Variants in PTPRD observed in about 807,000 individuals in gnomAD.
PTPRD encodes the protein protein tyrosine phosphatase receptor type D, also known as receptor-type tyrosine-protein phosphatase delta.
PTPRD carries 34 observed loss-of-function variants against 214.5 expected under a neutral mutation model. The observed-to-expected ratio is 0.16, with a 90% CI of 0.12 to 0.21. PTPRD has a LOEUF of 0.21. Ranked by LOEUF, PTPRD falls within the 10% of genes least tolerant of loss-of-function variation. PTPRD has a pLI of 1.00. For synonymous variants in PTPRD, 1,128 were observed against 845.7 expected, an observed-to-expected ratio of 1.33 and a Z score of -5.79; for missense variants, 2,545 against 2,398.7, an observed-to-expected ratio of 1.06 and a Z score of -1.27.
At chr9:8,388,982 C>CTTTTTTT (rs34248103) in intron 37 of PTPRD, among the ~76,000 whole-genome samples, 4 of 130,042 alleles carry the variant, frequency 3.1e-5, no homozygotes, top group Non-Finnish European at 3.3e-5. Flanking sequence ...GTGAATATTC[C>CTTTTTTT]TTTTTTTTTT....
chr9:8,373,846 ATG>A (rs34975102), intron 39 of PTPRD, among the ~76,000 whole-genome samples: 34 of 113,346 alleles, frequency 3.0e-4, no homozygotes, highest in African/African-American at 3.9e-4. Flanking sequence ...GTATGTATGT[ATG>A]TGTATGTGTC....
chr9:10,179,653 ATG>A (rs2099270357), intron 3 of PTPRD, among the ~76,000 whole-genome samples: 1 of 152,076 alleles, frequency 6.6e-6, no homozygotes, highest in South Asian at 2.1e-4. Flanking sequence ...AATTTTCAAG[ATG>A]TGTTACCTAT....
intron 9 of PTPRD, among the ~76,000 whole-genome samples, chr9:9,261,992 A>C (rs2099980330): frequency 6.6e-6 from 1 of 151,790 alleles, no homozygotes; most frequent in South Asian, 2.1e-4. Flanking sequence ...GGATAACTTT[A>C]AACAGTATAG....
chr9:9,218,005 A>T (rs1296819409), intron 9 of PTPRD, among the ~76,000 whole-genome samples: 1 of 152,000 alleles, frequency 6.6e-6, no homozygotes, highest in African/African-American at 2.4e-5. Flanking sequence ...GTTCATGTTC[A>T]CTCTGTTTGT....
chr9:10,079,719 T>G (rs1208559454), intron 3 of PTPRD, among the ~76,000 whole-genome samples: 1 of 152,180 alleles, frequency 6.6e-6, no homozygotes, highest in Non-Finnish European at 1.5e-5. Context: ...CTAGTCATTC[T>G]GCGAGTTGGC....
intron 11 of PTPRD, among the ~76,000 whole-genome samples, chr9:8,768,936 T>A (rs1299220176): frequency 6.6e-6 from 1 of 152,208 alleles, no homozygotes; most frequent in Non-Finnish European, 1.5e-5. Flanking sequence ...GTTCTTACCA[T>A]GTTATAGCAC....
intron 10 of PTPRD, among the ~76,000 whole-genome samples, chr9:9,132,417 G>A (rs991121244): frequency 1.3e-5 from 2 of 152,122 alleles, no homozygotes; most frequent in East Asian, 3.8e-4. Flanking sequence ...AAGTACATCA[G>A]TACCAATAAT....
In PTPRD at chr9:8,940,713, C is replaced by A. The variant is rs2099028296; in HGVS notation, c.-104+77984G>T. 1.3e-5 allele frequency among the ~76,000 whole-genome samples: 2 copies of A among 152,060 alleles called. 1 individual carries two copies. Among genetic ancestry groups the A allele is most frequent in the South Asian group, 4.1e-4 (2 of 4,822 alleles). ...TTGACCTGCTGGTTGGAGACACTCT[C>A]CATCTTTCCCAAGCCAATAATTCTC... On this transcript the variant is annotated intron_variant, in intron 11 of 45. Transcript: ENST00000381196.
At position 8,317,843 on chromosome 9, in the gene PTPRD, G is replaced by A. The variant is rs1273728986; in HGVS notation, c.*31C>T. 5.0e-6 allele frequency: 8 copies of A among 1,602,406 alleles called. No homozygotes were observed. Among genetic ancestry groups the A allele is most frequent in the Non-Finnish European group, 6.8e-6 (8 of 1,170,072 alleles). ...AGACTCCATGGATATTGAAGGGCCT[G>A]TAGTAAAAATCCAGAATGGGTCAGG... On this transcript the variant is annotated 3_prime_UTR_variant, in exon 46 of 46. Coordinates refer to ENST00000381196, the MANE Select transcript of PTPRD (RefSeq NM_002839.4).
chr9:8,864,601 T>C (rs1164804510), intron 11 of PTPRD, among the ~76,000 whole-genome samples: 1 of 152,160 alleles, frequency 6.6e-6, no homozygotes, highest in Admixed American at 6.5e-5. Flanking sequence ...AGAGGATGGT[T>C]TCCAAAAAAC....
At chr9:9,041,032 G>T (rs1218220908) in intron 10 of PTPRD, among the ~76,000 whole-genome samples, 4 of 152,044 alleles carry the variant, frequency 2.6e-5, no homozygotes, top group Non-Finnish European at 5.9e-5. Context: ...ACTTTCAGAT[G>T]ACAAATTGTA....
chr9:10,131,704 A>AGT (rs199959584), intron 3 of PTPRD, among the ~76,000 whole-genome samples: 3 of 151,902 alleles, frequency 2.0e-5, no homozygotes, highest in Middle Eastern at 3.2e-3. Flanking sequence ...TTAACTCAGA[A>AGT]GTGTGTGTGT....
chr9:8,353,375 G>C (rs2076026782), intron 39 of PTPRD, among the ~76,000 whole-genome samples: 2 of 152,016 alleles, frequency 1.3e-5, no homozygotes, highest in South Asian at 4.2e-4. Flanking sequence ...AAACTCATGG[G>C]TTTCTGAATT....
intron 44 of PTPRD, among the ~76,000 whole-genome samples, chr9:8,327,420 C>A (rs553904942): frequency 2.0e-5 from 3 of 151,560 alleles, no homozygotes; most frequent in African/African-American, 4.8e-5. Context: ...GATTTCTGTT[C>A]TTTTGCATTT....
At chr9:10,151,326 G>T (rs999420116) in intron 3 of PTPRD, among the ~76,000 whole-genome samples, 40 of 129,780 alleles carry the variant, frequency 3.1e-4, no homozygotes, top group African/African-American at 1.1e-3. Flanking sequence ...ACAGTGGTGC[G>T]ATCTCGGCTC....
intron 7 of PTPRD, among the ~76,000 whole-genome samples, chr9:9,734,058 G>C (rs2098248776): frequency 6.6e-6 from 1 of 152,130 alleles, no homozygotes; most frequent in Non-Finnish European, 1.5e-5. Context: ...AGATCAGTGT[G>C]TTCAGTGTGT....
chr9:10,598,668 ATATG>A lies in PTPRD; in HGVS notation c.-600+13726_-600+13729del, dbSNP rs1465062641. Among the ~76,000 whole-genome samples the A allele has an allele frequency of 4.1e-3, 372 of 90,860 alleles. 1 individual carries two copies. The highest frequency in any genetic ancestry group is 0.013 in the African/African-American group (316 of 24,014). The allele number at this position is 90,860 out of a possible 152,430, so 59.6% of individuals were successfully genotyped here. ...ATTAAATGTTTTGAACCATTTTTAT[ATATG>A]TATGTGTGTGTGTGTGTGTGTGTGT... On this transcript the variant is annotated intron_variant, in intron 2 of 45. Transcript: ENST00000381196.
chr9:8,329,272 C>A (rs1177728903), intron 44 of PTPRD, among the ~76,000 whole-genome samples: 1 of 152,126 alleles, frequency 6.6e-6, no homozygotes, highest in Non-Finnish European at 1.5e-5. Flanking sequence ...CTAACAAACA[C>A]CCAGGCCTCT....
intron 7 of PTPRD, among the ~76,000 whole-genome samples, chr9:9,690,101 C>T (rs185744119): frequency 9.3e-4 from 141 of 152,032 alleles, no homozygotes; most frequent in African/African-American, 3.2e-3. Context: ...AATTTATACT[C>T]CTTCCCACAT....
Sources: gnomAD v4.1 joint callset for allele counts (sites outside exome capture counted in the v4.1 genomes callset) on GRCh38, gnomAD v4.1.1 for gene constraint, MANE v1.5 for transcripts, NCBI Gene and HGNC (gene_info 2026-07-23, HGNC 2026-07-21) for gene names.